The following GHR variants were observed in gnomAD, a reference collection of about 807,000 sequenced individuals.
GHR encodes GH receptor.
A neutral mutation model predicts 67.1 loss-of-function variants in GHR; 35 were observed. That is an observed-to-expected ratio of 0.52 (90% confidence interval 0.40 to 0.69). The LOEUF (loss-of-function observed/expected upper bound fraction) is 0.69. Among genes scored for constraint, GHR ranks in the 30% least tolerant of loss-of-function variants. The probability of loss-of-function intolerance (pLI) is 0.00; values close to 1 mark genes in which losing one functional copy is unlikely to be tolerated. For missense variants in GHR, 792 were observed against 764.6 expected (o/e 1.04, Z -0.42); for synonymous variants, 272 against 269.1 (o/e 1.01, Z -0.10).
At chr5:42,466,909 TGGTGTCGCATGA>T (rs1486619424) in intron 1 of GHR, 39 of 1,508,684 alleles carry the variant, frequency 2.6e-5, no homozygotes, top group Non-Finnish European at 3.3e-5. Flanking sequence ...ATGGGTTCTG[TGGTGTCGCATGA>T]GGTGTGAGTT....
At chr5:42,585,080 A>T (rs561457104) in intron 2 of GHR, among the ~76,000 whole-genome samples, 2 of 152,288 alleles carry the variant, frequency 1.3e-5, no homozygotes, top group Admixed American at 6.5e-5. Context: ...TTCCTCAAGG[A>T]TGAGGTATCC....
intron 1 of GHR, chr5:42,467,501 G>A (rs763847891): frequency 2.1e-5 from 23 of 1,106,806 alleles, no homozygotes; most frequent in Middle Eastern, 2.0e-4. Flanking sequence ...TTCTGGTGCC[G>A]AGCAAGTTGT....
chr5:42,501,496 A>G (rs1746539442), intron 1 of GHR, among the ~76,000 whole-genome samples: 1 of 152,158 alleles, frequency 6.6e-6, no homozygotes, highest in African/African-American at 2.4e-5. Flanking sequence ...AGCTACCTCC[A>G]ATCTAAAGCT....
At chr5:42,695,130 C>G in intron 5 of GHR, 41 bp downstream of exon 5, 1 of 1,397,314 alleles carries the variant, frequency 7.2e-7, no homozygotes. Context: ...TAGTTTTAGA[C>G]TAAATAAATG....
chr5:42,539,708 T>C (rs1748414972), intron 1 of GHR, among the ~76,000 whole-genome samples: 2 of 152,236 alleles, frequency 1.3e-5, no homozygotes, highest in African/African-American at 4.8e-5. Flanking sequence ...TTTTCATTGT[T>C]CTGTAATGCC....
intron 1 of GHR, among the ~76,000 whole-genome samples, chr5:42,456,177 G>T (rs551229994): frequency 6.6e-6 from 1 of 152,154 alleles, no homozygotes; most frequent in Non-Finnish European, 1.5e-5. Context: ...TGGGTGTGGT[G>T]GTACACACCT....
chr5:42,664,351 A>C (rs1755834192), intron 3 of GHR, among the ~76,000 whole-genome samples: 2 of 152,218 alleles, frequency 1.3e-5, no homozygotes, highest in South Asian at 4.1e-4. Context: ...CAATACTACA[A>C]GGCTACAGTA....
intron 1 of GHR, among the ~76,000 whole-genome samples, chr5:42,476,401 A>C (rs545216356): frequency 5.5e-4 from 82 of 149,978 alleles, no homozygotes; most frequent in African/African-American, 2.0e-3. Context: ...TTTGTTTTTT[A>C]GTAGAGACAG....
chr5:42,711,416 G>T (rs1758455284), intron 7 of GHR, 44 bp downstream of exon 7: 2 of 1,406,648 alleles, frequency 1.4e-6, no homozygotes, highest in Admixed American at 3.4e-5. Context: ...CCTGGCTTTT[G>T]TCAATATAAC....
intron 8 of GHR, among the ~76,000 whole-genome samples, chr5:42,715,743 G>C (rs970082574): frequency 1.3e-5 from 2 of 152,186 alleles, no homozygotes; most frequent in African/African-American, 4.8e-5. Context: ...TTGTAAAATA[G>C]AGAATTTTCA....
At chr5:42,668,510 T>A (rs892504474) in intron 3 of GHR, among the ~76,000 whole-genome samples, 3 of 152,130 alleles carry the variant, frequency 2.0e-5, no homozygotes, top group African/African-American at 7.2e-5. Flanking sequence ...GGGAAACTCA[T>A]TCATGGTTGA....
intron 2 of GHR, among the ~76,000 whole-genome samples, chr5:42,593,567 T>C (rs959107785): frequency 1.3e-5 from 2 of 152,190 alleles, no homozygotes; most frequent in African/African-American, 2.4e-5. Flanking sequence ...ATACCTTATC[T>C]TGGTACAGCT....
chr5:42,424,734 G>C lies in GHR; in HGVS notation c.-12+779G>C. On this transcript the variant is annotated intron_variant, in intron 1 of 9. Coordinates refer to ENST00000230882, the MANE Select transcript of GHR (RefSeq NM_000163.5). This position sits in a 1 kb window ranked among gnomAD's most constrained non-coding sequence, Gnocchi z 4.1. ...GGGGTGGCCGCGTGTCTAGGGAGAG[G>C]GCGCTGGCGGCGCAGAGGGTGCGGG... The C allele has an allele frequency of 1.1e-6, 1 of 928,006 alleles. No individual in the cohort carries two copies. Among genetic ancestry groups the C allele is most frequent in the Admixed American group, 2.0e-5 (1 of 50,248 alleles). 57.5% of individuals were successfully genotyped at this position (928,006 alleles called of 1,614,324 possible). A position where few individuals can be genotyped will look rare whatever the true frequency, so the allele number is the denominator to read the frequency against.
chr5:42,477,959 A>G (rs1745419193), intron 1 of GHR, among the ~76,000 whole-genome samples: 1 of 151,866 alleles, frequency 6.6e-6, no homozygotes, highest in Non-Finnish European at 1.5e-5. Context: ...GTCCTTGCCC[A>G]TGCCTATGTC....
intron 2 of GHR, among the ~76,000 whole-genome samples, chr5:42,585,514 ACCT>A (rs1219702363): frequency 6.6e-6 from 1 of 151,980 alleles, no homozygotes; most frequent in African/African-American, 2.4e-5. Flanking sequence ...GTTCCAAAAA[ACCT>A]CCTGTGTTTT....
At chr5:42,439,909 T>A (rs572389202) in intron 1 of GHR, among the ~76,000 whole-genome samples, 1 of 152,332 alleles carries the variant, frequency 6.6e-6, no homozygotes, top group Non-Finnish European at 1.5e-5. Flanking sequence ...TTTTTCTCCA[T>A]ACAGCTTATG....
At chr5:42,454,276 T>C (rs979136024) in intron 1 of GHR, among the ~76,000 whole-genome samples, 3 of 152,206 alleles carry the variant, frequency 2.0e-5, no homozygotes, top group Non-Finnish European at 4.4e-5. Flanking sequence ...CAAATGCTAG[T>C]TATGCTAGTA....
chr5:42,620,188 G>T (rs1263527279), intron 2 of GHR, among the ~76,000 whole-genome samples: 1 of 152,020 alleles, frequency 6.6e-6, no homozygotes, highest in Non-Finnish European at 1.5e-5. Flanking sequence ...CTTGTTATAG[G>T]ATCTGATGAT....
intron 1 of GHR, among the ~76,000 whole-genome samples, chr5:42,431,793 G>A (rs1743106529): frequency 6.6e-6 from 1 of 152,206 alleles, no homozygotes; most frequent in Admixed American, 6.5e-5. Flanking sequence ...TCCTAGGGAA[G>A]AAGTGCACTT....
Sources: allele counts gnomAD v4.1 joint callset (sites outside exome capture counted in the v4.1 genomes callset), GRCh38; gene constraint gnomAD v4.1.1; non-coding constraint Gnocchi (gnomAD v3.1); transcripts MANE v1.5; gene names NCBI Gene and HGNC (gene_info 2026-07-23, HGNC 2026-07-21).